Variants in PCDH11X observed in about 807,000 individuals in gnomAD.
PCDH11X encodes protocadherin 11 X-linked, also known as protocadherin-11 X-linked.
Under a neutral mutation model 53.3 loss-of-function variants are expected in PCDH11X, and 18 were observed. The ratio of observed to expected loss-of-function variants is 0.34; its 90% CI spans 0.23 to 0.50. PCDH11X has a LOEUF of 0.50. Among genes scored for constraint, PCDH11X ranks in the 20% least tolerant of loss-of-function variants. The pLI is 0.98. For synonymous variants in PCDH11X, 279 were observed against 393.3 expected, an observed-to-expected ratio of 0.71 and a Z score of 3.44; for missense variants, 570 against 1,032.4, an observed-to-expected ratio of 0.55 and a Z score of 6.14.
In PCDH11X at chrX:91,837,659, T is replaced by C. The variant is rs111946190; in HGVS notation, c.540+1615T>C. ...GGAGTAGACATACCTGCATAGAAGA[T>C]TTTTGAACATGCTTTAAGACATTTA... On this transcript the variant is annotated intron_variant, in intron 5 of 10. Coordinates refer to ENST00000682573, the MANE Select transcript of PCDH11X (RefSeq NM_032968.5). Among the ~76,000 whole-genome samples, 635 of 111,651 alleles carry C rather than the reference T, an allele frequency of 5.7e-3. 4 individuals carry two copies. Among genetic ancestry groups the C allele is most frequent in the African/African-American group, 0.02 (601 of 30,703 alleles).
intron 6 of PCDH11X, among the ~76,000 whole-genome samples, chrX:92,055,911 GGTAT>G (rs1367933339): frequency 9.0e-6 from 1 of 110,513 alleles, no homozygotes; most frequent in African/African-American, 3.3e-5. Context: ...AGTATTCCAT[GGTAT>G]ATATGTACCA....
At chrX:92,257,421 C>T (rs2067617449) in intron 7 of PCDH11X, among the ~76,000 whole-genome samples, 1 of 111,413 alleles carries the variant, frequency 9.0e-6, no homozygotes, top group Non-Finnish European at 1.9e-5. Context: ...ATCATGCTTC[C>T]CAACAGTCCC....
intron 8 of PCDH11X, among the ~76,000 whole-genome samples, chrX:92,373,407 T>C (rs1358306578): frequency 9.0e-6 from 1 of 111,579 alleles, no homozygotes; most frequent in Admixed American, 9.5e-5. Flanking sequence ...TTTTCTTGCC[T>C]TCCAGTACAA....
At chrX:92,139,090 C>T (rs1209814833) in intron 6 of PCDH11X, among the ~76,000 whole-genome samples, 1 of 106,405 alleles carries the variant, frequency 9.4e-6, no homozygotes, top group Non-Finnish European at 1.9e-5. Context: ...ATTATTTTCA[C>T]CTCTCCTCTT....
At chrX:92,095,154 T>C (rs958029772) in intron 6 of PCDH11X, among the ~76,000 whole-genome samples, 18 of 110,631 alleles carry the variant, frequency 1.6e-4, no homozygotes, top group African/African-American at 5.3e-4. Context: ...CACAAAAATG[T>C]CTAGGTTGTC....
At chrX:92,294,641 T>C (rs1459939489) in intron 8 of PCDH11X, among the ~76,000 whole-genome samples, 1 of 110,953 alleles carries the variant, frequency 9.0e-6, no homozygotes, top group Non-Finnish European at 1.9e-5. Flanking sequence ...GCTGTGGTCT[T>C]GGGGAAAAAC....
At chrX:91,987,973 G>A (rs9724327) in intron 6 of PCDH11X, among the ~76,000 whole-genome samples, 16,492 of 109,371 alleles carry the variant, frequency 0.15, 1,485 homozygotes, top group African/African-American at 0.34. Flanking sequence ...CACTTTTGTT[G>A]TTGTTTTTTT....
In PCDH11X at chrX:92,280,077, A is replaced by G. The variant is rs761955976; in HGVS notation, c.3144+16934A>G. ...ACAGAAACATGCTAACATGCTGTAT[A>G]GGTTTGTAGACTAAAAGCAATAGGC... On this transcript the variant is annotated intron_variant, in intron 8 of 10. Coordinates refer to ENST00000682573, the MANE Select transcript of PCDH11X (RefSeq NM_032968.5). 2.9e-3 allele frequency among the ~76,000 whole-genome samples: 331 copies of G among 112,400 alleles called. 1 individual carries two copies. Among genetic ancestry groups the G allele is most frequent in the Non-Finnish European group, 4.8e-3 (256 of 53,335 alleles).
rs756808065 is a variant in PCDH11X, at chrX:92,536,112, G to A, written c.3367+67790G>A. 2.0e-3 allele frequency among the ~76,000 whole-genome samples: 213 copies of A among 108,059 alleles called. 1 individual carries two copies. Among genetic ancestry groups the A allele is most frequent in the African/African-American group, 6.9e-3 (205 of 29,626 alleles). 93.8% of individuals were successfully genotyped at this position (108,059 alleles called of 115,157 possible). On this transcript the variant is annotated intron_variant, in intron 10 of 10. Coordinates refer to ENST00000682573, the MANE Select transcript of PCDH11X (RefSeq NM_032968.5). ...TATTCTTTTTTCTATTTTTTTCTCT[G>A]TTTTGTCTGAACGTCTTATTTTTGA... is the stretch of plus-strand genomic sequence containing the variant.
intron 4 of PCDH11X, among the ~76,000 whole-genome samples, chrX:91,832,944 G>A (rs1454600368): frequency 2.9e-4 from 29 of 99,206 alleles, no homozygotes; most frequent in African/African-American, 8.5e-4. Flanking sequence ...AGATTATTTC[G>A]TCACCCAGGT....
chrX:92,574,522 TC>T (rs767808626), intron 10 of PCDH11X, among the ~76,000 whole-genome samples: 5 of 109,141 alleles, frequency 4.6e-5, no homozygotes, highest in Non-Finnish European at 9.6e-5. Flanking sequence ...CTTATATATC[TC>T]CCAATACATG....
At chrX:92,535,554 G>GA (rs1260605553) in intron 10 of PCDH11X, among the ~76,000 whole-genome samples, 2 of 111,269 alleles carry the variant, frequency 1.8e-5, no homozygotes, top group African/African-American at 6.5e-5. Flanking sequence ...AGATGATTAG[G>GA]AAAAATAACT....
chrX:92,186,559 C>T (rs902691949), intron 6 of PCDH11X, among the ~76,000 whole-genome samples: 6 of 95,676 alleles, frequency 6.3e-5, no homozygotes, highest in African/African-American at 1.6e-4. Flanking sequence ...ACCCGGGAGG[C>T]GGAGGTTGCG....
intron 4 of PCDH11X, among the ~76,000 whole-genome samples, chrX:91,814,096 A>C (rs1183649604): frequency 3.0e-5 from 3 of 100,114 alleles, no homozygotes; most frequent in Admixed American, 1.0e-4. Flanking sequence ...GTTTGCTTTA[A>C]TATTTTCAAC....
intron 10 of PCDH11X, among the ~76,000 whole-genome samples, chrX:92,613,821 A>G (rs1828876208): frequency 9.1e-6 from 1 of 109,968 alleles, no homozygotes; most frequent in Admixed American, 9.9e-5. Flanking sequence ...ATATTCCTCA[A>G]AAACATTGCT....
At chrX:92,182,992 C>T (rs1488053144) in intron 6 of PCDH11X, among the ~76,000 whole-genome samples, 2 of 111,307 alleles carry the variant, frequency 1.8e-5, no homozygotes, top group Non-Finnish European at 3.8e-5. Context: ...GAGTCTTTAA[C>T]ATCTCTGTTG....
At position 92,380,812 on chromosome X, in the gene PCDH11X, A is replaced by T. The variant is rs148267443; in HGVS notation, c.3145-6923A>T. ...CCTTTTTAAGAAAAATGAAAAGGAC[A>T]GTGCCATATCAATTTACTCCTTGGA... On this transcript the variant is annotated intron_variant, in intron 8 of 10. Coordinates refer to ENST00000682573, the MANE Select transcript of PCDH11X (RefSeq NM_032968.5). Among the ~76,000 whole-genome samples, 1,023 of 107,389 alleles carry T rather than the reference A, an allele frequency of 9.5e-3. 11 individuals carry two copies. The highest frequency in any genetic ancestry group is 0.029 in the African/African-American group (867 of 29,507). 93.3% of individuals were successfully genotyped at this position (107,389 alleles called of 115,157 possible). A position where few individuals can be genotyped will look rare whatever the true frequency, so the allele number is the denominator to read the frequency against.
intron 6 of PCDH11X, among the ~76,000 whole-genome samples, chrX:92,166,560 A>G (rs933507987): frequency 9.2e-6 from 1 of 109,111 alleles, no homozygotes; most frequent in Non-Finnish European, 1.9e-5. Context: ...AAAATATAAC[A>G]TATTTTAGCA....
At chrX:92,113,444 G>A (rs2064564193) in intron 6 of PCDH11X, 4 of 1,202,001 alleles carry the variant, frequency 3.3e-6, no homozygotes, top group Non-Finnish European at 4.5e-6. Flanking sequence ...AAAGAAACCT[G>A]CTGCACATCA....
Sources: gnomAD v4.1 joint callset for allele counts (sites outside exome capture counted in the v4.1 genomes callset) on GRCh38, gnomAD v4.1.1 for gene constraint, MANE v1.5 for transcripts, NCBI Gene and HGNC (gene_info 2026-07-23, HGNC 2026-07-21) for gene names.